Variants in PSMA2 observed in about 807,000 individuals in gnomAD.
The protein encoded by PSMA2 is proteasome subunit alpha type-2.
In PSMA2, 2 loss-of-function variants were observed where a neutral mutation model predicts 35.9. The ratio of observed to expected loss-of-function variants is 0.06; its 90% confidence interval spans 0.02 to 0.18. The LOEUF (loss-of-function observed/expected upper bound fraction) is 0.18. Ranked by LOEUF, PSMA2 falls within the 10% of genes least tolerant of loss-of-function variation. PSMA2 has a pLI of 1.00. For missense variants in PSMA2, 126 were observed against 278.8 expected (o/e 0.45, Z 3.90); for synonymous variants, 97 against 98.2 (o/e 0.99, Z 0.07).
intron 6 of PSMA2, chr7:42,920,002 G>T: frequency 1.4e-6 from 1 of 721,066 alleles, no homozygotes; most frequent in South Asian, 1.4e-5. Context: ...GCCAAAGATT[G>T]GTTTTCCAAA....
At chr7:42,921,090 C>T (rs950616994) in intron 6 of PSMA2, 2 of 152,128 alleles carry the variant, frequency 1.3e-5, no homozygotes, top group African/African-American at 4.8e-5. Flanking sequence ...TCCAGTAGTA[C>T]AGTCAGGAAA....
chr7:42,927,275 G>C, intron 2 of PSMA2, 108 bp downstream of exon 2: 1 of 996,494 alleles, frequency 1.0e-6, no homozygotes. Flanking sequence ...ACAAAAAATT[G>C]TTAAAAATTA....
intron 2 of PSMA2, 36 bp from the exon 3 acceptor site, chr7:42,926,704 ATTT>A (rs1246201663): frequency 6.4e-7 from 1 of 1,571,020 alleles, no homozygotes; most frequent in African/African-American, 1.4e-5. Context: ...ATGTTTAATC[ATTT>A]TTAAGACTGT....
intron 4 of PSMA2, 58 bp downstream of exon 4, chr7:42,924,617 T>C: frequency 1.9e-6 from 3 of 1,549,474 alleles, no homozygotes; most frequent in Non-Finnish European, 2.6e-6. Flanking sequence ...ATACCTACTC[T>C]TTAAAATAAC....
intron 1 of PSMA2, 107 bp downstream of exon 1, chr7:42,932,011 C>T (rs988242243): frequency 1.0e-5 from 15 of 1,432,810 alleles, no homozygotes; most frequent in Non-Finnish European, 1.2e-5. Context: ...CCATTCCCTA[C>T]TGGACCCTCC....
At chr7:42,922,436 T>A (rs1214352601) in intron 5 of PSMA2, among the ~76,000 whole-genome samples, 6 of 152,044 alleles carry the variant, frequency 3.9e-5, no homozygotes, top group Admixed American at 3.9e-4. Context: ...AAAAGAAACA[T>A]AATCCAATAT....
Position 42,923,423 on chromosome 7 carries a change from G to A in PSMA2, c.375-17C>T, listed in dbSNP as rs770060666. 1.9e-6 allele frequency: 3 copies of A among 1,596,250 alleles called. No homozygotes were observed. Among genetic ancestry groups the A allele is most frequent in the Non-Finnish European group, 2.6e-6 (3 of 1,164,818 alleles). On this transcript the variant is annotated splice_polypyrimidine_tract_variant and intron_variant, in intron 4 of 7. Transcript: ENST00000223321. ...CGAACACCACTGCAGGGAGGAAAAT[G>A]AAAATTACTTGGCATTTTCATGGTG...
rs764848095 is a variant in PSMA2 at position 42,926,589 on chromosome 7, T to C, written c.198A>G (p.Glu66=). The C allele has an allele frequency of 6.2e-7, 1 of 1,611,926 alleles. No homozygotes were observed. The highest frequency in any genetic ancestry group is 8.5e-7 in the Non-Finnish European group (1 of 1,179,464). ...LYDERSVHKV[E]PITKHIGLVY... is the part of the protein sequence containing the mutation. The stretch of plus-strand genomic sequence containing the variant: ...CCAAACCTATATGCTTGGTAATTGG[T>C]TCTACTTTGTGTACACTTCGCTCAT... Residue 66 remains glutamate, a synonymous_variant, in exon 3 of 8, where the codon GAA becomes GAG. Coordinates refer to ENST00000223321, the MANE Select transcript of PSMA2 (RefSeq NM_002787.5).
intron 6 of PSMA2, chr7:42,920,252 C>T (rs1786105423): frequency 8.5e-6 from 2 of 234,196 alleles, no homozygotes; most frequent in Non-Finnish European, 1.7e-5. Context: ...CATGGTGTTA[C>T]CCATAAGTGA....
intron 6 of PSMA2, chr7:42,919,548 T>G (rs1786091108): frequency 1.9e-6 from 1 of 516,658 alleles, no homozygotes; most frequent in East Asian, 4.8e-5. Context: ...TGTTAAGACT[T>G]TGGGATCATG....
chr7:42,924,329 G>T (rs1175082464), intron 4 of PSMA2, among the ~76,000 whole-genome samples: 1 of 126,342 alleles, frequency 7.9e-6, no homozygotes, highest in Non-Finnish European at 1.6e-5. Context: ...ACTCCAGCCT[G>T]GGCGACAGAG....
intron 6 of PSMA2, chr7:42,921,137 TAGA>T (rs1254495582): frequency 1.3e-5 from 2 of 152,338 alleles, no homozygotes; most frequent in East Asian, 3.9e-4. Flanking sequence ...TCAGAACAGC[TAGA>T]AGATCTGCTA....
chr7:42,929,733 A>C (rs1174125583), intron 1 of PSMA2, among the ~76,000 whole-genome samples: 1 of 152,178 alleles, frequency 6.6e-6, no homozygotes, highest in Non-Finnish European at 1.5e-5. Context: ...TCTCTGGCCT[A>C]CAAAGTCCTA....
intron 6 of PSMA2, chr7:42,919,913 A>G (rs1786099863): frequency 1.3e-6 from 1 of 755,486 alleles, no homozygotes; most frequent in Admixed American, 1.7e-5. Flanking sequence ...GAACACTGAG[A>G]CTGGCAAACT....
Position 42,932,170 on chromosome 7 carries a change from G to A in PSMA2, c.-12C>T, listed in dbSNP as rs1023341600. ...CCGCGCTCCGCCATCTTTACCCGAA[G>A]AGCCAAAGCACAGCCGCACACATGC... is the stretch of plus-strand genomic sequence containing the variant. On this transcript the variant is annotated 5_prime_UTR_variant, in exon 1 of 8. Coordinates refer to ENST00000223321, the MANE Select transcript of PSMA2 (RefSeq NM_002787.5). 4 of 1,613,948 alleles carry A rather than the reference G, an allele frequency of 2.5e-6. No individual in the cohort carries two copies. Among genetic ancestry groups the A allele is most frequent in the South Asian group, 2.2e-5 (2 of 91,088 alleles).
intron 1 of PSMA2, among the ~76,000 whole-genome samples, chr7:42,928,485 A>T (rs986855867): frequency 5.9e-5 from 9 of 152,226 alleles, no homozygotes; most frequent in Admixed American, 5.2e-4. Flanking sequence ...CACACTTAAC[A>T]GATCTGGTTC....
chr7:42,931,186 G>A (rs1336493082), intron 1 of PSMA2: 1 of 452,168 alleles, frequency 2.2e-6, no homozygotes, highest in Non-Finnish European at 4.4e-6. Flanking sequence ...GCAGTGGAAA[G>A]AGATGGAGCA....
In PSMA2 at chr7:42,920,110, A is replaced by C. The variant is rs74670163; in HGVS notation, c.530+1748T>G. 2.1e-4 allele frequency: 106 copies of C among 512,648 alleles called. 2 individuals carry two copies. The East Asian group carries it at 3.7e-3, about 18-fold the overall frequency. The allele number at this position is 512,648 out of a possible 1,614,324, so 31.8% of individuals were successfully genotyped here. ...GGCCTGAACATCAAGCATGTGCCAC[A>C]GACAGCATACAACTGGACTAGAACG... On this transcript the variant is annotated intron_variant, in intron 6 of 7. Coordinates refer to ENST00000223321, the MANE Select transcript of PSMA2 (RefSeq NM_002787.5).
Position 42,930,207 on chromosome 7 carries a change from ACACACACACACACACACG to A in PSMA2, c.41+1893_41+1910del, listed in dbSNP as rs1441680448. ...AAACAGGTGAATCCACCATGTTAAA[ACACACACACACACACACG>A]CACACACACACACACACACACACAA... is the stretch of plus-strand genomic sequence containing the variant. On this transcript the variant is annotated intron_variant, in intron 1 of 7. Transcript: ENST00000223321. Among the ~76,000 whole-genome samples, 19 of 2,076 alleles carry A rather than the reference ACACACACACACACACACG, an allele frequency of 9.2e-3. 1 individual carries two copies. The East Asian group carries it at 0.42, about 46-fold the overall frequency. 1.4% of individuals were successfully genotyped at this position (2,076 alleles called of 152,430 possible). A position where few individuals can be genotyped will look rare whatever the true frequency, so the allele number is the denominator to read the frequency against.
Sources: gnomAD v4.1 joint callset for allele counts (sites outside exome capture counted in the v4.1 genomes callset) on GRCh38, gnomAD v4.1.1 for gene constraint, MANE v1.5 for transcripts, NCBI Gene and HGNC (gene_info 2026-07-23, HGNC 2026-07-21) for gene names.